Variants in TRH observed in about 807,000 individuals in gnomAD.
The protein encoded by TRH is thyrotropin releasing hormone.
Under a neutral mutation model 5.2 loss-of-function variants are expected in TRH, and 5 were observed. That is an observed-to-expected ratio of 0.95 (90% CI 0.50 to 2.00). The LOEUF is 2.00. Among genes scored for constraint, TRH ranks in the 30% most tolerant of loss-of-function variants. The pLI is 0.01. For synonymous variants in TRH, 131 were observed against 128.6 expected (o/e 1.02, Z -0.13); for missense variants, 318 against 312.8 (o/e 1.02, Z -0.13).
At chr3:129,975,590 A>G (rs2062537759) in intron 1 of TRH, among the ~76,000 whole-genome samples, 1 of 152,274 alleles carries the variant, frequency 6.6e-6, no homozygotes, top group South Asian at 2.1e-4. Context: ...CGCAGGCACT[A>G]CAGGCACCCG....
At chr3:129,975,760 G>T (rs2108062119) in intron 1 of TRH, 49 bp from the exon 2 acceptor site, 1 of 1,513,128 alleles carries the variant, frequency 6.6e-7, no homozygotes, top group East Asian at 2.4e-5. Context: ...GATGGAGCGG[G>T]ATGTGCTGTG....
At position 129,976,781 on chromosome 3, in the gene TRH, A is replaced by AGAAGAG. The variant is rs747974308; in HGVS notation, c.306_311dup (p.Glu103_Glu104dup). 5.6e-6 allele frequency: 9 copies of AGAAGAG among 1,613,778 alleles called. No individual in the cohort carries two copies. Among genetic ancestry groups the AGAAGAG allele is most frequent in the Middle Eastern group, 1.6e-4 (1 of 6,084 alleles). On this transcript the variant is annotated inframe_insertion, in exon 3 of 3. Coordinates refer to ENST00000302649, the MANE Select transcript of TRH (RefSeq NM_007117.5). ...AGGAGGAGGAGGAAGAGGGAGTTGA[A>AGAAGAG]GAAGAGGAAGAGGAAGAAGGGGGGG...
Position 129,976,059 on chromosome 3 carries a change from G to A in TRH, c.211+32G>A, listed in dbSNP as rs376997592. Reference sequence around the variant, plus strand: ...GGATGGGGCTGTTGGGGGCTGTGGGGCTAGGCTATTGGGAGAGCCGTGGAA... The same window carrying A: ...GGATGGGGCTGTTGGGGGCTGTGGGACTAGGCTATTGGGAGAGCCGTGGAA... On this transcript the variant is annotated intron_variant, in intron 2 of 2. Coordinates refer to ENST00000302649, the MANE Select transcript of TRH (RefSeq NM_007117.5). The A allele has an allele frequency of 1.2e-5, 19 of 1,605,000 alleles. No individual in the cohort carries two copies. In the African/African-American group the frequency reaches 2.5e-4, roughly 21 times the overall value.
Position 129,976,680 on chromosome 3 carries a change from G to T in TRH, c.212-19G>T. The T allele has an allele frequency of 1.2e-6, 2 of 1,603,018 alleles. No individual in the cohort carries two copies. The highest frequency in any genetic ancestry group is 2.2e-5 in the South Asian group (2 of 89,534). ...TTACATGGGTCAGGGGCCCCTCACTGACCTCTTTCCTTCCCCAGCGTCCCA... is the reference window on the plus strand; with the variant it reads ...TTACATGGGTCAGGGGCCCCTCACTTACCTCTTTCCTTCCCCAGCGTCCCA... On this transcript the variant is annotated intron_variant, in intron 2 of 2. Transcript: ENST00000302649.
At chr3:129,975,141 C>G (rs784706) in intron 1 of TRH, among the ~76,000 whole-genome samples, 146,376 of 152,252 alleles carry the variant, frequency 0.96, 70,611 homozygotes, top group East Asian at 1. Flanking sequence ...GGGCGTCGGC[C>G]TGAGAACCTG....
In TRH at chr3:129,977,284, A is replaced by G; in HGVS notation, c.*68A>G. 1.4e-6 allele frequency: 2 copies of G among 1,475,544 alleles called. No individual in the cohort carries two copies. Among genetic ancestry groups the G allele is most frequent in the Non-Finnish European group, 1.8e-6 (2 of 1,116,144 alleles). 91.4% of individuals were successfully genotyped at this position (1,475,544 alleles called of 1,614,324 possible). Reference sequence around the variant, plus strand: ...TTGAGCCCTGTGTGCCCCACCATTCATGACCTCTGTATTCTCTAGTTAGAT... The same window carrying G: ...TTGAGCCCTGTGTGCCCCACCATTCGTGACCTCTGTATTCTCTAGTTAGAT... On this transcript the variant is annotated 3_prime_UTR_variant, in exon 3 of 3. Transcript: ENST00000302649.
rs1382827099 is a variant in TRH, at chr3:129,977,917, A to G, written c.*701A>G. 1 of 152,274 alleles carries G rather than the reference A, an allele frequency of 6.6e-6. No individual in the cohort carries two copies. Among genetic ancestry groups the G allele is most frequent in the Non-Finnish European group, 1.5e-5 (1 of 68,062 alleles). 9.4% of individuals were successfully genotyped at this position (152,274 alleles called of 1,614,324 possible). ...CGATGACAGTCATCCTAATGATAAT[A>G]AAACCTGCATCCAGATAATCACGGA... is the stretch of plus-strand genomic sequence containing the variant. On this transcript the variant is annotated 3_prime_UTR_variant, in exon 3 of 3. Coordinates refer to ENST00000302649, the MANE Select transcript of TRH (RefSeq NM_007117.5).
intron 1 of TRH, 124 bp from the exon 2 acceptor site, chr3:129,975,685 A>G (rs2108062075): frequency 9.6e-7 from 1 of 1,043,072 alleles, no homozygotes; most frequent in East Asian, 2.6e-5. Context: ...CACGAGGGGC[A>G]GTGGTCCTGC....
intron 2 of TRH, 33 bp from the exon 3 acceptor site, chr3:129,976,666 A>G (rs374882305): frequency 3.1e-6 from 5 of 1,590,966 alleles, no homozygotes; most frequent in Non-Finnish European, 4.3e-6. Context: ...TACATGGGTC[A>G]GGGGCCCCTC....
chr3:129,976,631 A>C (rs1295991645), intron 2 of TRH, 68 bp from the exon 3 acceptor site: 1 of 1,516,994 alleles, frequency 6.6e-7, no homozygotes, highest in African/African-American at 1.4e-5. Context: ...GAAAAGCAGG[A>C]GTGGGCACTC....
In TRH at chr3:129,977,470, AGCCCC is replaced by A; in HGVS notation, c.*255_*259del. The A allele has an allele frequency of 2.0e-5, 7 of 356,996 alleles. No individual in the cohort carries two copies. The highest frequency in any genetic ancestry group is 2.1e-4 in the South Asian group (2 of 9,440). The allele number at this position is 356,996 out of a possible 1,614,324, so 22.1% of individuals were successfully genotyped here. ...CCATAGGCAAGGGGGCAGATCCCAG[AGCCCC>A]TCTCACCCCCCCCACCACAGGCCTG... On this transcript the variant is annotated 3_prime_UTR_variant, in exon 3 of 3. Coordinates refer to ENST00000302649, the MANE Select transcript of TRH (RefSeq NM_007117.5).
At position 129,975,881 on chromosome 3, in the gene TRH, G is replaced by GTCC. The variant is rs1358746492; in HGVS notation, c.65_66insTCC (p.Gly22_Arg23insPro). The GTCC allele has an allele frequency of 1.2e-6, 2 of 1,612,988 alleles. No homozygotes were observed. Among genetic ancestry groups the GTCC allele is most frequent in the Admixed American group, 3.3e-5 (2 of 59,982 alleles). ...CTGAACCTGACCGGTGTCCCCGGCG[G>GTCC]CCGTGCTCAGCCAGAGGCGGCCCAG... On this transcript the variant is annotated inframe_insertion, in exon 2 of 3. Transcript: ENST00000302649.
chr3:129,977,332 C>T lies in TRH; in HGVS notation c.*116C>T, dbSNP rs1166497930. 6.1e-6 allele frequency: 8 copies of T among 1,316,226 alleles called. No individual in the cohort carries two copies. The highest frequency in any genetic ancestry group is 1.5e-5 in the African/African-American group (1 of 67,886). The allele number at this position is 1,316,226 out of a possible 1,614,324, so 81.5% of individuals were successfully genotyped here. On this transcript the variant is annotated 3_prime_UTR_variant, in exon 3 of 3. Coordinates refer to ENST00000302649, the MANE Select transcript of TRH (RefSeq NM_007117.5). ...GATCCCTGACCATAAGCCTGAGCCC[C>T]TCCCTCCCAGCCCCATATTCACACA... is the stretch of plus-strand genomic sequence containing the variant.
At position 129,975,961 on chromosome 3, in the gene TRH, G is replaced by A. The variant is rs758771772; in HGVS notation, c.145G>A (p.Val49Met). 4 of 1,614,152 alleles carry A rather than the reference G, an allele frequency of 2.5e-6. No individual in the cohort carries two copies. The highest frequency in any genetic ancestry group is 2.2e-5 in the East Asian group (1 of 44,886). Reference sequence around the variant, plus strand: ...GGGCCTGGATGACTTCCTGCGCCAGGTGGAGCGCCTCCTCTTCCTCCGGGA... The same window carrying A: ...GGGCCTGGATGACTTCCTGCGCCAGATGGAGCGCCTCCTCTTCCTCCGGGA... ...HPGLDDFLRQ[V>M]ERLLFLRENI... The change falls in exon 2 of 3, where the codon GTG becomes ATG. Residue 49 changes from valine (V) to methionine (M), a missense_variant. By Grantham distance (21) the Val-to-Met change is conservative. Transcript: ENST00000302649.
intron 2 of TRH, 150 bp from the exon 3 acceptor site, chr3:129,976,549 T>A (rs1436099860): frequency 1.1e-6 from 1 of 874,198 alleles, no homozygotes; most frequent in Non-Finnish European, 1.8e-6. Flanking sequence ...TGTGTGTATC[T>A]GTGAGGCCTG....
At position 129,977,104 on chromosome 3, in the gene TRH, C is replaced by A. The variant is rs371956130; in HGVS notation, c.617C>A (p.Ala206Glu). 1 of 1,571,172 alleles carries A rather than the reference C, an allele frequency of 6.4e-7. No individual in the cohort carries two copies. Among genetic ancestry groups the A allele is most frequent in the Non-Finnish European group, 8.6e-7 (1 of 1,160,224 alleles). The change falls in exon 3 of 3, where the codon GCG becomes GAG. Residue 206 changes from alanine (A) to glutamate (E), a missense_variant. Physicochemically the swap from Ala to Glu is moderately radical, Grantham distance 107. Transcript: ENST00000302649. ...PCGPQGAYGQ[A>E]GLLLGLLDDL... ...GGGCCCCAGGGAGCCTATGGTCAAG[C>A]GGGCCTTCTGCTGGGGCTCCTGGAT...
rs775439333 is a variant in TRH at position 129,977,122 on chromosome 3, TC to T, written c.637del (p.Leu213TrpfsTer4). 6.2e-5 allele frequency: 96 copies of T among 1,549,834 alleles called. No individual in the cohort carries two copies. Among genetic ancestry groups the T allele is most frequent in the Non-Finnish European group, 6.3e-5 (73 of 1,151,602 alleles). On this transcript the variant is annotated frameshift_variant, in exon 3 of 3. Transcript: ENST00000302649. LOFTEE classifies it low-confidence loss of function (END_TRUNC). Reference protein sequence around the residue: ...AYGQAGLLLGLLDDLSRSQGA... With the variant: ...AYGQAGLLLGXLDDLSRSQGA... ...GGTCAAGCGGGCCTTCTGCTGGGGC[TC>T]CTGGATGACCTGAGTAGGAGCCAGG...
At chr3:129,976,293 T>G (rs1466875255) in intron 2 of TRH, among the ~76,000 whole-genome samples, 11 of 152,250 alleles carry the variant, frequency 7.2e-5, no homozygotes. Context: ...AGTTTCTTTG[T>G]GTGTGACAGT....
chr3:129,977,335 C>G lies in TRH; in HGVS notation c.*119C>G, dbSNP rs1025787488. 4 of 1,283,812 alleles carry G rather than the reference C, an allele frequency of 3.1e-6. No homozygotes were observed. In the Admixed American group the frequency reaches 1.3e-4, roughly 42 times the overall value. 79.5% of individuals were successfully genotyped at this position (1,283,812 alleles called of 1,614,324 possible). On this transcript the variant is annotated 3_prime_UTR_variant, in exon 3 of 3. Transcript: ENST00000302649. Reference sequence around the variant, plus strand: ...CCCTGACCATAAGCCTGAGCCCCTCCCTCCCAGCCCCATATTCACACACAT... The same window carrying G: ...CCCTGACCATAAGCCTGAGCCCCTCGCTCCCAGCCCCATATTCACACACAT...
Sources: allele counts gnomAD v4.1 joint callset (sites outside exome capture counted in the v4.1 genomes callset), GRCh38; gene constraint gnomAD v4.1.1; transcripts MANE v1.5; gene names NCBI Gene and HGNC (gene_info 2026-07-23, HGNC 2026-07-21).